Variants in HSD17B12 observed in about 807,000 individuals in gnomAD.
HSD17B12 encodes the protein very-long-chain 3-oxoacyl-CoA reductase.
In HSD17B12, 32 loss-of-function variants were observed where a neutral mutation model predicts 39.3. The observed-to-expected ratio is 0.81, with a 90% confidence interval of 0.61 to 1.09. The LOEUF is 1.09. HSD17B12 is among the 50% of genes least tolerant of loss of function. HSD17B12 has a pLI of 0.00. For synonymous variants in HSD17B12, 150 were observed against 146.7 expected (o/e 1.02, Z -0.16); for missense variants, 342 against 382.9 (o/e 0.89, Z 0.89).
At chr11:43,673,693 T>A in the HSD17B12 span, among the ~76,000 whole-genome samples, 8 of 146,060 alleles carry the variant, frequency 5.5e-5, no homozygotes. Flanking sequence ...GTTTGTTTGT[T>A]TGTATTTTTT....
Position 43,680,740 on chromosome 11 carries a change from C to T in HSD17B12, c.-88C>T, listed in dbSNP as rs1949734125. The T allele has an allele frequency of 8.2e-7, 1 of 1,217,786 alleles. No homozygotes were observed. The highest frequency in any genetic ancestry group is 1.2e-6 in the Non-Finnish European group (1 of 824,354). The allele number at this position is 1,217,786 out of a possible 1,614,324, so 75.4% of individuals were successfully genotyped here. ...GTGTCGGAGCAGCGCCTATTAGTGT[C>T]ATCCTCACCGTCACGGCCGGCGCCT... On this transcript the variant is annotated 5_prime_UTR_variant, in exon 1 of 11. Coordinates refer to ENST00000278353, the MANE Select transcript of HSD17B12 (RefSeq NM_016142.3).
At chr11:43,706,491 C>T (rs1454643293) in intron 1 of HSD17B12, among the ~76,000 whole-genome samples, 2 of 152,070 alleles carry the variant, frequency 1.3e-5, no homozygotes, top group Admixed American at 6.5e-5. Flanking sequence ...TGCAGTGAGC[C>T]AAGATCACAT....
chr11:43,778,352 C>G (rs998511491), intron 3 of HSD17B12, among the ~76,000 whole-genome samples: 10 of 152,280 alleles, frequency 6.6e-5, no homozygotes, highest in African/African-American at 2.4e-4. Flanking sequence ...AATAGCTTAC[C>G]AACCAAAAGG....
At chr11:43,782,711 G>A (rs908674147) in intron 3 of HSD17B12, among the ~76,000 whole-genome samples, 1 of 151,336 alleles carries the variant, frequency 6.6e-6, no homozygotes, top group Non-Finnish European at 1.5e-5. Context: ...TGAGCCCATT[G>A]TAATTATGAT....
chr11:43,638,428 A>C, the HSD17B12 span, among the ~76,000 whole-genome samples: 1 of 149,512 alleles, frequency 6.7e-6, no homozygotes, highest in East Asian at 1.9e-4. Flanking sequence ...AAATTAATTA[A>C]AAGAGGAAGG....
chr11:43,801,227 T>C (rs1950965013), intron 4 of HSD17B12, among the ~76,000 whole-genome samples: 1 of 151,972 alleles, frequency 6.6e-6, no homozygotes, highest in East Asian at 1.9e-4. Context: ...TAATTATCTG[T>C]GGGATAAGTG....
chr11:43,755,482 G>C (rs1590272095), intron 3 of HSD17B12: 1 of 152,338 alleles, frequency 6.6e-6, no homozygotes, highest in East Asian at 1.9e-4. Flanking sequence ...ATTGGTGAAT[G>C]AATTACATTT....
chr11:43,652,467 ACTAT>A, the HSD17B12 span, among the ~76,000 whole-genome samples: 2 of 152,056 alleles, frequency 1.3e-5, no homozygotes, highest in Non-Finnish European at 2.9e-5. Context: ...CAATTCCGAC[ACTAT>A]CTACCTGGAG....
At chr11:43,649,395 A>G in the HSD17B12 span, among the ~76,000 whole-genome samples, 25 of 152,200 alleles carry the variant, frequency 1.6e-4, no homozygotes, top group Non-Finnish European at 2.8e-4. Flanking sequence ...GGAAGCATAT[A>G]AAGTAAATGA....
At chr11:43,557,128 G>A in the HSD17B12 span, among the ~76,000 whole-genome samples, 1 of 152,144 alleles carries the variant, frequency 6.6e-6, no homozygotes, top group Non-Finnish European at 1.5e-5. Context: ...AGGCTTTCCT[G>A]GGGTCTTGTA....
the HSD17B12 span, among the ~76,000 whole-genome samples, chr11:43,609,859 C>T: frequency 2.0e-5 from 3 of 152,256 alleles, no homozygotes; most frequent in South Asian, 6.2e-4. Flanking sequence ...CTTCTATCAT[C>T]GAGAGTTTGA....
At chr11:43,779,753 A>T (rs1276913016) in intron 3 of HSD17B12, among the ~76,000 whole-genome samples, 1 of 152,232 alleles carries the variant, frequency 6.6e-6, no homozygotes, top group Non-Finnish European at 1.5e-5. Flanking sequence ...TAATGGGCCA[A>T]AATGAGAAAT....
At chr11:43,838,202 G>A in intron 7 of HSD17B12, 115 bp from the exon 8 acceptor site, 1 of 741,618 alleles carries the variant, frequency 1.3e-6, no homozygotes, top group Non-Finnish European at 2.4e-6. Flanking sequence ...GAGATATGTG[G>A]TAGAAAAACA....
intron 6 of HSD17B12, among the ~76,000 whole-genome samples, chr11:43,820,630 T>C (rs189447994): frequency 6.6e-6 from 1 of 152,206 alleles, no homozygotes; most frequent in African/African-American, 2.4e-5. Flanking sequence ...AATGCCACAA[T>C]GAATTTCTCA....
chr11:43,638,658 A>G, the HSD17B12 span, among the ~76,000 whole-genome samples: 2 of 152,208 alleles, frequency 1.3e-5, no homozygotes, highest in Non-Finnish European at 2.9e-5. Context: ...TGTTGAACCT[A>G]GTAAGCAGTT....
At chr11:43,795,611 C>T (rs1204641709) in intron 3 of HSD17B12, among the ~76,000 whole-genome samples, 2 of 152,138 alleles carry the variant, frequency 1.3e-5, no homozygotes, top group Non-Finnish European at 2.9e-5. Flanking sequence ...GGACATATCA[C>T]AGAGACATAC....
intron 1 of HSD17B12, among the ~76,000 whole-genome samples, chr11:43,743,134 G>C (rs1018791619): frequency 6.6e-6 from 1 of 152,136 alleles, no homozygotes; most frequent in African/African-American, 2.4e-5. Context: ...AAATGTTCTT[G>C]CTGGGCATAA....
At chr11:43,568,292 A>G in the HSD17B12 span, among the ~76,000 whole-genome samples, 60 of 151,992 alleles carry the variant, frequency 3.9e-4, no homozygotes, top group Admixed American at 1.3e-3. Flanking sequence ...TAGTAGAGAA[A>G]GGGTTTCACC....
At chr11:43,760,971 T>C (rs1319015517) in intron 3 of HSD17B12, among the ~76,000 whole-genome samples, 4 of 152,220 alleles carry the variant, frequency 2.6e-5, no homozygotes, top group African/African-American at 9.6e-5. Context: ...GTTTTGCCCA[T>C]AGTACCTGTA....
Sources: gnomAD v4.1 joint callset for allele counts (sites outside exome capture counted in the v4.1 genomes callset) on GRCh38, gnomAD v4.1.1 for gene constraint, MANE v1.5 for transcripts, NCBI Gene and HGNC (gene_info 2026-07-23, HGNC 2026-07-21) for gene names.